Variants in MYH11 observed in about 807,000 individuals in gnomAD.
MYH11 encodes the protein myosin-11.
MYH11 carries 80 observed loss-of-function variants against 246.6 expected under a neutral mutation model. That is an observed-to-expected ratio of 0.32 (90% CI 0.27 to 0.39). MYH11 has a LOEUF of 0.39. Ranked by LOEUF, MYH11 falls within the 10% of genes least tolerant of loss-of-function variation. The pLI is 1.00. For synonymous variants in MYH11, 1,071 were observed against 1,015.5 expected (o/e 1.05, Z -1.04); for missense variants, 2,158 against 2,546.8 (o/e 0.85, Z 3.29).
chr16:15,855,706 C>G (rs1473961646), intron 1 of MYH11, among the ~76,000 whole-genome samples: 1 of 152,178 alleles, frequency 6.6e-6, no homozygotes, highest in Non-Finnish European at 1.5e-5. Flanking sequence ...ACAAAATTCT[C>G]TATCTTATTT....
At chr16:15,808,001 G>A (rs1256467537) in intron 3 of MYH11, among the ~76,000 whole-genome samples, 3 of 152,182 alleles carry the variant, frequency 2.0e-5, no homozygotes, top group Non-Finnish European at 4.4e-5. Context: ...GGCTCCCTGC[G>A]TCTGCCCTTC....
At chr16:15,850,053 G>A (rs893263640) in intron 1 of MYH11, among the ~76,000 whole-genome samples, 1 of 152,062 alleles carries the variant, frequency 6.6e-6, no homozygotes, top group African/African-American at 2.4e-5. Flanking sequence ...AAGAACTCAG[G>A]GGCAAAAGAT....
intron 6 of MYH11, 75 bp downstream of exon 6, chr16:15,782,310 G>T: frequency 7.6e-7 from 1 of 1,319,898 alleles, no homozygotes; most frequent in Non-Finnish European, 1.1e-6. Flanking sequence ...ACCTCTGCAC[G>T]CAAACACTCT....
intron 40 of MYH11, among the ~76,000 whole-genome samples, chr16:15,711,940 G>A (rs554614949): frequency 3.9e-5 from 6 of 152,170 alleles, no homozygotes; most frequent in African/African-American, 1.4e-4. Flanking sequence ...TGATCAGCCT[G>A]CGTTGGCCTC....
intron 3 of MYH11, among the ~76,000 whole-genome samples, chr16:15,810,245 G>A (rs2043108441): frequency 2.6e-5 from 4 of 151,870 alleles, no homozygotes; most frequent in Non-Finnish European, 1.5e-5. Flanking sequence ...ACATTGGCCA[G>A]GCTGGTCTCG....
chr16:15,813,653 T>C (rs1205352099), intron 3 of MYH11, among the ~76,000 whole-genome samples: 1 of 152,116 alleles, frequency 6.6e-6, no homozygotes, highest in East Asian at 1.9e-4. Flanking sequence ...GCTCTCTTCC[T>C]TCCTAAACCT....
chr16:15,801,653 C>G (rs1417395556), intron 3 of MYH11, among the ~76,000 whole-genome samples: 1 of 143,980 alleles, frequency 6.9e-6, no homozygotes, highest in Non-Finnish European at 1.5e-5. Context: ...GGAGTGAGAC[C>G]CTATCTCTAA....
chr16:15,820,328 G>A (rs928494883), intron 3 of MYH11, among the ~76,000 whole-genome samples: 1 of 152,114 alleles, frequency 6.6e-6, no homozygotes, highest in South Asian at 2.1e-4. Context: ...TACAAAATTA[G>A]CCGGGTGTGG....
chr16:15,807,769 C>T (rs535326990), intron 3 of MYH11, among the ~76,000 whole-genome samples: 42 of 152,268 alleles, frequency 2.8e-4, no homozygotes, highest in African/African-American at 8.2e-4. Flanking sequence ...CACCCAGCCT[C>T]GGATGTGTAA....
chr16:15,760,402 A>G, intron 11 of MYH11, 138 bp downstream of exon 11: 2 of 775,208 alleles, frequency 2.6e-6, no homozygotes, highest in Middle Eastern at 5.2e-4. Context: ...GGGTAGAAAG[A>G]TGGATGGATG....
chr16:15,803,402 G>A (rs1010538811), intron 3 of MYH11, among the ~76,000 whole-genome samples: 11 of 151,204 alleles, frequency 7.3e-5, no homozygotes, highest in Admixed American at 4.6e-4. Flanking sequence ...TCGGCCCCCC[G>A]AGTAGCTGGG....
chr16:15,710,689 T>G (rs1385777845), intron 40 of MYH11, among the ~76,000 whole-genome samples: 1 of 141,718 alleles, frequency 7.1e-6, no homozygotes. Flanking sequence ...TTGTTTTTTG[T>G]TTTTTTTTTG....
At chr16:15,727,142 T>G in intron 27 of MYH11, 88 bp from the exon 28 acceptor site, 3 of 1,220,676 alleles carry the variant, frequency 2.5e-6, no homozygotes, top group Non-Finnish European at 3.6e-6. Flanking sequence ...CTCAGAGAGG[T>G]CCAGGAAGGC....
chr16:15,854,655 G>A (rs562991003), intron 1 of MYH11, among the ~76,000 whole-genome samples: 15 of 152,258 alleles, frequency 9.9e-5, no homozygotes, highest in African/African-American at 2.6e-4. Flanking sequence ...GGGGAGGTGC[G>A]GGAGATGATT....
intron 4 of MYH11, among the ~76,000 whole-genome samples, chr16:15,787,146 C>T (rs1462483396): frequency 2.6e-5 from 4 of 152,024 alleles, no homozygotes; most frequent in African/African-American, 9.7e-5. Flanking sequence ...GTGGCACATG[C>T]CTGTAGTCCC....
At chr16:15,786,332 C>T in intron 5 of MYH11, 1 of 509,070 alleles carries the variant, frequency 2.0e-6, no homozygotes, top group Non-Finnish European at 3.6e-6. Flanking sequence ...AAAATGACAT[C>T]AGTGCCACCA....
At chr16:15,817,256 T>C (rs1453727636) in intron 3 of MYH11, among the ~76,000 whole-genome samples, 3 of 151,510 alleles carry the variant, frequency 2.0e-5, no homozygotes, top group Non-Finnish European at 4.4e-5. Flanking sequence ...CTTTGGGAGG[T>C]TGAGGCGGGC....
chr16:15,724,584 G>T, intron 30 of MYH11, 63 bp downstream of exon 30: 1 of 1,611,892 alleles, frequency 6.2e-7, no homozygotes. Context: ...TCTGCCTGCG[G>T]GGGATCTCAG....
intron 3 of MYH11, among the ~76,000 whole-genome samples, chr16:15,808,044 A>G (rs1324659152): frequency 2.0e-5 from 3 of 152,162 alleles, no homozygotes; most frequent in Non-Finnish European, 2.9e-5. Flanking sequence ...GGATCCAGTG[A>G]GAGGTAATCA....
Sources: gnomAD v4.1 joint callset for allele counts (sites outside exome capture counted in the v4.1 genomes callset) on GRCh38, gnomAD v4.1.1 for gene constraint, MANE v1.5 for transcripts, NCBI Gene and HGNC (gene_info 2026-07-23, HGNC 2026-07-21) for gene names.